Variants in VGLL4 observed in about 807,000 individuals in gnomAD.
VGLL4 encodes the protein transcription cofactor vestigial-like protein 4.
Under a neutral mutation model 21.0 loss-of-function variants are expected in VGLL4, and 7 were observed. That is an observed-to-expected ratio of 0.33 (90% CI 0.19 to 0.63). VGLL4 has a LOEUF of 0.63. VGLL4 is among the 20% of genes least tolerant of loss of function. VGLL4 has a pLI of 0.78. For missense variants in VGLL4, 394 were observed against 425.7 expected (o/e 0.93, Z 0.66); for synonymous variants, 222 against 173.2 (o/e 1.28, Z -2.21).
At chr3:11,630,908 T>C (rs2075462264) in intron 1 of VGLL4, among the ~76,000 whole-genome samples, 1 of 152,006 alleles carries the variant, frequency 6.6e-6, no homozygotes, top group East Asian at 1.9e-4. Flanking sequence ...AATAATACGT[T>C]TTATGTTATA....
chr3:11,558,752 G>A lies in VGLL4; in HGVS notation c.695C>T (p.Pro232Leu), dbSNP rs371428293. 34 of 1,614,040 alleles carry A rather than the reference G, an allele frequency of 2.1e-5. No homozygotes were observed. Among genetic ancestry groups the A allele is most frequent in the Admixed American group, 3.3e-5 (2 of 60,004 alleles). ...SLGKNYKEPE[P>L]APNSVSITGS... Reference sequence around the variant, plus strand: ...CGTGATGGACACGGAGTTGGGTGCCGGCTCGGGCTCCTTGTAATTCTTGCC... The same window carrying A: ...CGTGATGGACACGGAGTTGGGTGCCAGCTCGGGCTCCTTGTAATTCTTGCC... Residue 232 changes from proline (P) to leucine (L), a missense_variant, in exon 5 of 5, where the codon CCG becomes CTG. Pro to Leu is a moderately conservative substitution (Grantham distance 98). Transcript: ENST00000430365.
chr3:11,642,613 A>G (rs1296612761), intron 1 of VGLL4, among the ~76,000 whole-genome samples: 2 of 152,228 alleles, frequency 1.3e-5, no homozygotes, highest in Non-Finnish European at 2.9e-5. Flanking sequence ...GGCCATTGCC[A>G]CTTTTTCAAA....
intron 2 of VGLL4, among the ~76,000 whole-genome samples, chr3:11,573,316 G>A (rs12486431): frequency 0.02 from 414 of 20,454 alleles, 20 homozygotes; most frequent in South Asian, 0.055. Flanking sequence ...AGGAAGGAAG[G>A]AAGAAAGAAA....
intron 1 of VGLL4, among the ~76,000 whole-genome samples, chr3:11,602,611 C>T (rs992972926): frequency 2.6e-5 from 4 of 152,160 alleles, no homozygotes; most frequent in African/African-American, 9.7e-5. Context: ...AAATATTGCA[C>T]ATTAAAATAT....
At chr3:11,700,963 G>A (rs1380565132) in intron 2 of VGLL4, among the ~76,000 whole-genome samples, 1 of 152,140 alleles carries the variant, frequency 6.6e-6, no homozygotes. Flanking sequence ...CTAAGTAAGT[G>A]TGAATTATAC....
chr3:11,629,423 TA>T (rs1359620615), intron 1 of VGLL4, among the ~76,000 whole-genome samples: 1 of 150,696 alleles, frequency 6.6e-6, no homozygotes, highest in Non-Finnish European at 1.5e-5. Flanking sequence ...TAAAATTTCA[TA>T]AAACGAGGTT....
In VGLL4 at chr3:11,653,612, T is replaced by C. The variant is rs992904847; in HGVS notation, c.64+49359A>G. Among the ~76,000 whole-genome samples the C allele has an allele frequency of 6.6e-6, 1 of 152,216 alleles. No homozygotes were observed. The highest frequency in any genetic ancestry group is 2.4e-5 in the African/African-American group (1 of 41,462). On this transcript the variant is annotated intron_variant, in intron 2 of 5. Transcript: ENST00000273038. This position sits in a 1 kb window ranked among gnomAD's most constrained non-coding sequence, Gnocchi z 4.2. ...TGAATATTCTAGTGTGTGTCTCTTA[T>C]CAGCCTCGGAATGCATTTCTGTCGC...
upstream of VGLL4, chr3:11,643,924 T>C: frequency 9.9e-7 from 1 of 1,006,336 alleles, no homozygotes; most frequent in Non-Finnish European, 1.2e-6. Flanking sequence ...ATGCTTGGCA[T>C]GACTCCTATG....
At chr3:11,702,909 G>A (rs1314946797) in intron 2 of VGLL4, 2 of 1,465,188 alleles carry the variant, frequency 1.4e-6, no homozygotes, top group African/African-American at 2.8e-5. Flanking sequence ...ATTTTGTTAT[G>A]GAGCAGAAGA....
chr3:11,707,772 T>G lies in VGLL4; in HGVS notation c.-13-4725A>C, dbSNP rs142128993. 1.5e-3 allele frequency among the ~76,000 whole-genome samples: 235 copies of G among 152,054 alleles called. 1 individual carries two copies. Among genetic ancestry groups the G allele is most frequent in the Middle Eastern group, 0.01 (3 of 294 alleles). On this transcript the variant is annotated intron_variant, in intron 1 of 5. Transcript: ENST00000273038. ...TACTCGGGAGGCTGAGGTGGGAGGC[T>G]CCCTTGAAGCCAGGAGGTCGATGCT...
At position 11,643,513 on chromosome 3, in the gene VGLL4, T is replaced by TA. The variant is rs1271183975; in HGVS notation, c.5dup (p.Phe3IlefsTer68). 1.9e-6 allele frequency: 3 copies of TA among 1,613,936 alleles called. No individual in the cohort carries two copies. The highest frequency in any genetic ancestry group is 1.3e-5 in the African/African-American group (1 of 74,940). ...AGTTCAACAGGTCCATCTTCATAAA[T>TA]AGCATTTATTGGGCTAGCAAAGAAA... is the stretch of plus-strand genomic sequence containing the variant. On this transcript the variant is annotated frameshift_variant, in exon 1 of 5. Coordinates refer to ENST00000430365, the MANE Select transcript of VGLL4 (RefSeq NM_001128219.3). LOFTEE classifies it high-confidence loss of function.
chr3:11,626,076 C>T (rs1271187050), intron 1 of VGLL4, among the ~76,000 whole-genome samples: 4 of 152,158 alleles, frequency 2.6e-5, no homozygotes, highest in South Asian at 4.1e-4. Flanking sequence ...TGTTAAAAAT[C>T]TTAACTTAAA....
chr3:11,558,258 C>T lies in VGLL4; in HGVS notation c.*298G>A, dbSNP rs1044448586. 2.7e-5 allele frequency: 13 copies of T among 485,364 alleles called. No individual in the cohort carries two copies. Among genetic ancestry groups the T allele is most frequent in the Non-Finnish European group, 3.7e-5 (10 of 272,916 alleles). The allele number at this position is 485,364 out of a possible 1,614,324, so 30.1% of individuals were successfully genotyped here. ...AGAAAGCGCTGTGGAGTCCTGGCCC[C>T]GTCGGGGCAGCAGACCTGCATCAGA... On this transcript the variant is annotated 3_prime_UTR_variant, in exon 5 of 5. Coordinates refer to ENST00000430365, the MANE Select transcript of VGLL4 (RefSeq NM_001128219.3).
chr3:11,666,864 T>C (rs918998584), intron 2 of VGLL4, among the ~76,000 whole-genome samples: 4 of 152,314 alleles, frequency 2.6e-5, no homozygotes, highest in Admixed American at 2.6e-4. Flanking sequence ...ACAACCCTCC[T>C]CTGTGCTCCC....
chr3:11,654,110 T>C (rs984910965), intron 2 of VGLL4, among the ~76,000 whole-genome samples: 1 of 151,844 alleles, frequency 6.6e-6, no homozygotes, highest in Admixed American at 6.6e-5. Context: ...CAACAAAGCA[T>C]TATTTGGCAA....
chr3:11,590,537 G>A (rs917678665), intron 2 of VGLL4, among the ~76,000 whole-genome samples: 2 of 152,236 alleles, frequency 1.3e-5, no homozygotes, highest in Non-Finnish European at 2.9e-5. Context: ...TGGAAGGCTC[G>A]GATCCAGAAC....
At chr3:11,593,910 T>C (rs967256290) in intron 2 of VGLL4, among the ~76,000 whole-genome samples, 2 of 152,314 alleles carry the variant, frequency 1.3e-5, no homozygotes, top group East Asian at 1.9e-4. Context: ...CACAGCTGGA[T>C]GGAGCACAAG....
intron 2 of VGLL4, among the ~76,000 whole-genome samples, chr3:11,685,200 GTT>G (rs34267340): frequency 0.14 from 18,450 of 132,356 alleles, 1,507 homozygotes; most frequent in African/African-American, 0.24. Context: ...CCATGGTGTT[GTT>G]TTTTTTTTTT....
chr3:11,595,646 C>A (rs2074618594), intron 2 of VGLL4, among the ~76,000 whole-genome samples: 1 of 152,056 alleles, frequency 6.6e-6, no homozygotes, highest in Non-Finnish European at 1.5e-5. Flanking sequence ...TCATGGAATA[C>A]TATGCAGCCA....
Sources: gnomAD v4.1 joint callset for allele counts (sites outside exome capture counted in the v4.1 genomes callset) on GRCh38, gnomAD v4.1.1 for gene constraint, Gnocchi (gnomAD v3.1) non-coding constraint, MANE v1.5 for transcripts, NCBI Gene and HGNC (gene_info 2026-07-23, HGNC 2026-07-21) for gene names.